The following CREB5 variants were observed in gnomAD, a reference collection of about 807,000 sequenced individuals.
CREB5 encodes cyclic AMP-responsive element-binding protein 5.
Under a neutral mutation model 57.1 loss-of-function variants are expected in CREB5, and 19 were observed. The observed-to-expected ratio is 0.33, with a 90% CI of 0.23 to 0.49. CREB5 has a LOEUF of 0.49. Among genes scored for constraint, CREB5 ranks in the 20% least tolerant of loss-of-function variants. CREB5 has a pLI of 0.99. For synonymous variants in CREB5, 238 were observed against 238.3 expected, an observed-to-expected ratio of 1.00 and a Z score of 0.01; for missense variants, 579 against 671.6, an observed-to-expected ratio of 0.86 and a Z score of 1.52.
chr7:28,610,575 C>A (rs530670559), intron 5 of CREB5, among the ~76,000 whole-genome samples: 1 of 152,068 alleles, frequency 6.6e-6, no homozygotes, highest in Admixed American at 6.6e-5. Context: ...ACAGGCTTCC[C>A]GAAGATAAGA....
intron 4 of CREB5, among the ~76,000 whole-genome samples, chr7:28,553,437 T>C (rs1794747824): frequency 6.6e-6 from 1 of 152,236 alleles, no homozygotes. Context: ...AAATTTTATT[T>C]GGGAAAGGAA....
intron 5 of CREB5, among the ~76,000 whole-genome samples, chr7:28,629,193 C>A (rs990501673): frequency 6.6e-6 from 1 of 152,204 alleles, no homozygotes; most frequent in Non-Finnish European, 1.5e-5. Flanking sequence ...TAGCCCATAG[C>A]AAGCACTCAA....
At chr7:28,804,134 T>A in intron 7 of CREB5, 65 bp from the exon 8 acceptor site, 1 of 1,494,672 alleles carries the variant, frequency 6.7e-7, no homozygotes, top group South Asian at 1.2e-5. Flanking sequence ...ATTTTGCTTT[T>A]AAATCTCTAT....
At chr7:28,744,410 C>G (rs371767448) in intron 7 of CREB5, among the ~76,000 whole-genome samples, 13 of 133,632 alleles carry the variant, frequency 9.7e-5, no homozygotes, top group African/African-American at 3.5e-4. Flanking sequence ...TGCAGTGATG[C>G]GACCTCAGCT....
intron 1 of CREB5, among the ~76,000 whole-genome samples, chr7:28,361,809 T>A (rs1006445677): frequency 6.6e-6 from 1 of 152,154 alleles, no homozygotes; most frequent in Admixed American, 6.5e-5. Flanking sequence ...ACAATAGCAC[T>A]CTGTATTGTG....
intron 7 of CREB5, among the ~76,000 whole-genome samples, chr7:28,787,266 A>G (rs1807384737): frequency 1.3e-5 from 2 of 152,206 alleles, no homozygotes; most frequent in Non-Finnish European, 2.9e-5. Context: ...ACTCAATGCC[A>G]CAGAAATTAC....
At chr7:28,771,873 G>T (rs894184832) in intron 7 of CREB5, among the ~76,000 whole-genome samples, 2 of 152,110 alleles carry the variant, frequency 1.3e-5, no homozygotes, top group African/African-American at 4.8e-5. Context: ...TTTAAAAAAG[G>T]TTTAGTAAGT....
chr7:28,481,322 T>A, intron 1 of CREB5, among the ~76,000 whole-genome samples: 3 of 152,210 alleles, frequency 2.0e-5, no homozygotes, highest in African/African-American at 7.2e-5. Flanking sequence ...TACCAGGGGA[T>A]GGCAAATATC....
At chr7:28,407,154 A>T (rs917392994) in intron 1 of CREB5, among the ~76,000 whole-genome samples, 6 of 151,864 alleles carry the variant, frequency 4.0e-5, no homozygotes, top group African/African-American at 1.2e-4. Flanking sequence ...GATTCAAGCG[A>T]TTCTCCTGCC....
intron 1 of CREB5, among the ~76,000 whole-genome samples, chr7:28,328,681 A>G (rs755661868): frequency 2.0e-5 from 3 of 152,186 alleles, no homozygotes; most frequent in Non-Finnish European, 4.4e-5. Context: ...GTCATTAGGC[A>G]CTCTGCTTCT....
intron 7 of CREB5, among the ~76,000 whole-genome samples, chr7:28,736,970 C>A (rs868329521): frequency 3.1e-4 from 47 of 151,976 alleles, no homozygotes; most frequent in African/African-American, 9.4e-4. Context: ...ACACTGTAAT[C>A]CTGACCCCAG....
In CREB5 at chr7:28,701,589, A is replaced by T. The variant is rs140154349; in HGVS notation, c.465-17164A>T. Among the ~76,000 whole-genome samples the T allele has an allele frequency of 3.2e-4, 48 of 152,292 alleles. No homozygotes were observed. In the East Asian group the frequency reaches 7.9e-3, roughly 25 times the overall value. ...ACATACTCGTCTACAAATCAACTCA[A>T]ACTAGGGGTATATATTTCTATCTAA... On this transcript the variant is annotated intron_variant, in intron 5 of 10. Transcript: ENST00000357727.
intron 7 of CREB5, among the ~76,000 whole-genome samples, chr7:28,796,664 T>C (rs573157769): frequency 6.6e-6 from 1 of 152,360 alleles, no homozygotes; most frequent in South Asian, 2.1e-4. Context: ...TCTGCAATGA[T>C]AACTTTTCTT....
chr7:28,724,341 C>T lies in CREB5; in HGVS notation c.702+9C>T. On this transcript the variant is annotated intron_variant, in intron 7 of 10. Transcript: ENST00000357727. Reference sequence around the variant, plus strand: ...ATTCAGAAGCCAAAATGGTAAGTAACAGTTATAATCACCCTTTCATTATTC... The same window carrying T: ...ATTCAGAAGCCAAAATGGTAAGTAATAGTTATAATCACCCTTTCATTATTC... The T allele has an allele frequency of 6.3e-7, 1 of 1,594,718 alleles. No individual in the cohort carries two copies. The highest frequency in any genetic ancestry group is 1.1e-5 in the South Asian group (1 of 90,646).
chr7:28,342,987 C>T (rs1316377473), intron 1 of CREB5, among the ~76,000 whole-genome samples: 4 of 151,866 alleles, frequency 2.6e-5, no homozygotes, highest in Admixed American at 2.0e-4. Context: ...GTCGCCCAGG[C>T]TGGAGTGCAG....
rs142823285 is a variant in CREB5, at chr7:28,718,145, G to T, written c.465-608G>T. Among the ~76,000 whole-genome samples, 123 of 152,334 alleles carry T rather than the reference G, an allele frequency of 8.1e-4. 1 individual carries two copies. Among genetic ancestry groups the T allele is most frequent in the African/African-American group, 2.7e-3 (114 of 41,576 alleles). On this transcript the variant is annotated intron_variant, in intron 5 of 10. Coordinates refer to ENST00000357727, the MANE Select transcript of CREB5 (RefSeq NM_182898.4). ...TGAAATGAGAGGCTGGTAATTGGAG[G>T]CTAGGCTCCGGACTTGCTCTGAGAA...
intron 5 of CREB5, among the ~76,000 whole-genome samples, chr7:28,706,003 G>A (rs538573717): frequency 1.6e-4 from 25 of 152,274 alleles, no homozygotes; most frequent in Middle Eastern, 3.4e-3. Flanking sequence ...CCATTAAAAT[G>A]TAAACCTGGG....
At chr7:28,807,912 G>A (rs1174762033) in intron 8 of CREB5, among the ~76,000 whole-genome samples, 1 of 152,148 alleles carries the variant, frequency 6.6e-6, no homozygotes, top group African/African-American at 2.4e-5. Flanking sequence ...ACAAGGTGCT[G>A]TGTGTCTGCC....
At chr7:28,480,063 G>C (rs1277078569) in intron 1 of CREB5, among the ~76,000 whole-genome samples, 1 of 151,534 alleles carries the variant, frequency 6.6e-6, no homozygotes, top group Non-Finnish European at 1.5e-5. Context: ...TCATCTGCAT[G>C]TGTGAAAAGA....
Sources: gnomAD v4.1 joint callset for allele counts (sites outside exome capture counted in the v4.1 genomes callset) on GRCh38, gnomAD v4.1.1 for gene constraint, MANE v1.5 for transcripts, NCBI Gene and HGNC (gene_info 2026-07-23, HGNC 2026-07-21) for gene names.